RHOBTB3: variants seen among roughly 807,000 people sequenced by gnomAD.
RHOBTB3 encodes Rho related BTB domain containing 3.
In RHOBTB3, 47 loss-of-function variants were observed where a neutral mutation model predicts 67.2. The observed-to-expected ratio is 0.70, with a 90% confidence interval of 0.55 to 0.89. The LOEUF (loss-of-function observed/expected upper bound fraction) is 0.89. RHOBTB3 is among the 40% of genes least tolerant of loss of function. The pLI is 0.00. For missense variants in RHOBTB3, 631 were observed against 750.0 expected, an observed-to-expected ratio of 0.84 and a Z score of 1.85; for synonymous variants, 273 against 274.2, an observed-to-expected ratio of 1.00 and a Z score of 0.04.
In RHOBTB3 at chr5:95,755,473, G is replaced by A. The variant is rs768225814; in HGVS notation, c.760G>A (p.Val254Met). The A allele has an allele frequency of 1.2e-6, 2 of 1,613,728 alleles. No homozygotes were observed. Among genetic ancestry groups the A allele is most frequent in the Admixed American group, 1.7e-5 (1 of 59,994 alleles). Residue 254 changes from valine (V) to methionine (M), a missense_variant, in exon 6 of 12, where the codon GTG becomes ATG. Physicochemically the swap from Val to Met is conservative, Grantham distance 21. Coordinates refer to ENST00000379982, the MANE Select transcript of RHOBTB3 (RefSeq NM_014899.4). Reference sequence around the variant, plus strand: ...TAACTTGCTGTTCTGCTGCCAGTGTGTGGACGTGGTATTTTACAACCCCAA... The same window carrying A: ...TAACTTGCTGTTCTGCTGCCAGTGTATGGACGTGGTATTTTACAACCCCAA... ...LNNLLFCCQC[V>M]DVVFYNPNLK...
intron 1 of RHOBTB3, among the ~76,000 whole-genome samples, chr5:95,723,164 C>A (rs1372757561): frequency 6.6e-6 from 1 of 151,720 alleles, no homozygotes; most frequent in African/African-American, 2.4e-5. Context: ...ACACTAACAC[C>A]AACGATAGCT....
intron 11 of RHOBTB3, among the ~76,000 whole-genome samples, chr5:95,792,181 A>T (rs1165279779): frequency 6.6e-6 from 1 of 152,150 alleles, no homozygotes; most frequent in African/African-American, 2.4e-5. Flanking sequence ...GAGGACTTGA[A>T]GGACTTTGGA....
At chr5:95,780,106 A>G (rs1045286075) in intron 8 of RHOBTB3, 146 bp from the exon 9 acceptor site, 17 of 573,080 alleles carry the variant, frequency 3.0e-5, no homozygotes, top group Non-Finnish European at 5.2e-5. Context: ...AAGTTTCTGG[A>G]TTAATGGTAG....
intron 2 of RHOBTB3, among the ~76,000 whole-genome samples, chr5:95,734,359 G>C (rs34893): frequency 0.52 from 78,760 of 151,870 alleles, 21,278 homozygotes; most frequent in East Asian, 0.82. Context: ...GCATAACCCC[G>C]AGAGGAAACC....
chr5:95,744,103 C>T (rs1456158175), intron 3 of RHOBTB3, among the ~76,000 whole-genome samples: 3 of 151,866 alleles, frequency 2.0e-5, no homozygotes, highest in Non-Finnish European at 4.4e-5. Context: ...CCCCTTCCCC[C>T]TTTATTTCAT....
At chr5:95,750,035 G>A (rs1404791058) in intron 4 of RHOBTB3, among the ~76,000 whole-genome samples, 4 of 152,184 alleles carry the variant, frequency 2.6e-5, no homozygotes, top group Admixed American at 6.5e-5. Context: ...CTCAAGCCCT[G>A]TTGAGAATAT....
intron 3 of RHOBTB3, among the ~76,000 whole-genome samples, chr5:95,745,747 G>A (rs1263434531): frequency 6.6e-6 from 1 of 152,076 alleles, no homozygotes; most frequent in Non-Finnish European, 1.5e-5. Context: ...TCAGAGTCAC[G>A]TGACCATGCC....
intron 8 of RHOBTB3, among the ~76,000 whole-genome samples, chr5:95,776,253 A>G (rs1322662291): frequency 1.3e-5 from 2 of 151,984 alleles, no homozygotes; most frequent in Non-Finnish European, 2.9e-5. Flanking sequence ...TTAAAAATAC[A>G]AAAATCAGCC....
intron 9 of RHOBTB3, 90 bp from the exon 10 acceptor site, chr5:95,783,694 CAGCATGTTTTTTT>C (rs1278019795): frequency 2.1e-6 from 2 of 938,556 alleles, no homozygotes; most frequent in Non-Finnish European, 3.2e-6. Context: ...ATGCTACGGT[CAGCATGTTTTTTT>C]AATTGTTGTT....
intron 5 of RHOBTB3, among the ~76,000 whole-genome samples, chr5:95,753,262 T>C (rs1745146338): frequency 6.6e-6 from 1 of 151,584 alleles, no homozygotes; most frequent in Non-Finnish European, 1.5e-5. Flanking sequence ...TGTGTGTGTG[T>C]GTGTCTTTCT....
chr5:95,779,742 C>G (rs150285555), intron 8 of RHOBTB3, among the ~76,000 whole-genome samples: 6 of 152,292 alleles, frequency 3.9e-5, no homozygotes, highest in African/African-American at 1.4e-4. Flanking sequence ...CTTGGCTCCA[C>G]AAGAGATCCT....
intron 1 of RHOBTB3, among the ~76,000 whole-genome samples, chr5:95,720,668 C>G (rs1041797318): frequency 6.6e-6 from 1 of 151,802 alleles, no homozygotes; most frequent in Non-Finnish European, 1.5e-5. Flanking sequence ...TTACATTATA[C>G]GTCACTGCTT....
chr5:95,759,839 C>CAGAT (rs1445879651), intron 6 of RHOBTB3, among the ~76,000 whole-genome samples: 1 of 152,072 alleles, frequency 6.6e-6, no homozygotes, highest in African/African-American at 2.4e-5. Context: ...GTGTTCCCAT[C>CAGAT]AGATGGGTTG....
chr5:95,744,402 T>TAATATTCA lies in RHOBTB3; in HGVS notation c.416-3931_416-3930insAATATTCA. ...GACATCTTTATTTCAGTGCTTATTA[T>TAATATTCA]GTTATATTATAACTGTTTGCAGTCA... On this transcript the variant is annotated intron_variant, in intron 3 of 11. Coordinates refer to ENST00000379982, the MANE Select transcript of RHOBTB3 (RefSeq NM_014899.4). 5.3e-5 allele frequency among the ~76,000 whole-genome samples: 8 copies of TAATATTCA among 152,330 alleles called. No homozygotes were observed. In the South Asian group the frequency reaches 1.7e-3, roughly 32 times the overall value.
chr5:95,736,760 CTT>C (rs1412589580), intron 2 of RHOBTB3, 127 bp from the exon 3 acceptor site: 13 of 618,616 alleles, frequency 2.1e-5, no homozygotes, highest in Middle Eastern at 4.2e-4. Context: ...GACTGCAACA[CTT>C]TTAATTTCAA....
intron 1 of RHOBTB3, among the ~76,000 whole-genome samples, chr5:95,724,891 T>C (rs949818928): frequency 4.6e-5 from 7 of 152,116 alleles, no homozygotes; most frequent in African/African-American, 1.7e-4. Context: ...TACTTAAGTA[T>C]ATAAAGAATT....
chr5:95,741,351 A>T (rs906691917), intron 3 of RHOBTB3, among the ~76,000 whole-genome samples: 8 of 151,582 alleles, frequency 5.3e-5, no homozygotes, highest in African/African-American at 1.9e-4. Context: ...AAAAGAAAAA[A>T]AAAAGAGATA....
chr5:95,728,698 G>C (rs749035228), upstream of RHOBTB3, among the ~76,000 whole-genome samples: 1 of 152,186 alleles, frequency 6.6e-6, no homozygotes, highest in African/African-American at 2.4e-5. Context: ...ATCTTGAGTA[G>C]AGGCTGGGTA....
chr5:95,794,770 C>G lies in RHOBTB3; in HGVS notation c.*1596C>G, dbSNP rs1482767222. The stretch of plus-strand genomic sequence containing the variant: ...GGTTTTATAGTATAATATTGGGACC[C>G]CATACCGTTAGCCCTTGTATGTATA... On this transcript the variant is annotated 3_prime_UTR_variant, in exon 12 of 12. Coordinates refer to ENST00000379982, the MANE Select transcript of RHOBTB3 (RefSeq NM_014899.4). The G allele has an allele frequency of 6.6e-6, 1 of 152,102 alleles. No homozygotes were observed. The highest frequency in any genetic ancestry group is 1.5e-5 in the Non-Finnish European group (1 of 68,016). 9.4% of individuals were successfully genotyped at this position (152,102 alleles called of 1,614,324 possible). A position where few individuals can be genotyped will look rare whatever the true frequency, so the allele number is the denominator to read the frequency against.
Sources: allele counts gnomAD v4.1 joint callset (sites outside exome capture counted in the v4.1 genomes callset), GRCh38; gene constraint gnomAD v4.1.1; transcripts MANE v1.5; gene names NCBI Gene and HGNC (gene_info 2026-07-23, HGNC 2026-07-21).